The following SRP54 variants were observed in gnomAD, a reference collection of about 807,000 sequenced individuals.
SRP54 encodes signal recognition particle subunit SRP54.
SRP54 carries 10 observed loss-of-function variants against 64.8 expected under a neutral mutation model. That is an observed-to-expected ratio of 0.15 (90% confidence interval 0.10 to 0.26). SRP54 has a LOEUF of 0.26. Ranked by LOEUF, SRP54 falls within the 10% of genes least tolerant of loss-of-function variation. The pLI is 1.00. For synonymous variants in SRP54, 193 were observed against 185.6 expected (o/e 1.04, Z -0.32); for missense variants, 325 against 613.7 (o/e 0.53, Z 4.97).
chr14:35,008,049 A>T (rs1015748258), intron 5 of SRP54, among the ~76,000 whole-genome samples: 1 of 152,062 alleles, frequency 6.6e-6, no homozygotes, highest in Non-Finnish European at 1.5e-5. Flanking sequence ...TTTATCCTCT[A>T]TGGCTCAGGA....
intron 1 of SRP54, among the ~76,000 whole-genome samples, chr14:34,987,895 C>T (rs1475340579): frequency 6.6e-6 from 1 of 152,122 alleles, no homozygotes; most frequent in Non-Finnish European, 1.5e-5. Flanking sequence ...GCATTTAAGC[C>T]TGTTTTTAGC....
Position 35,013,442 on chromosome 14 carries a change from G to A in SRP54, c.733G>A (p.Val245Ile). 1 of 1,614,220 alleles carries A rather than the reference G, an allele frequency of 6.2e-7. No individual in the cohort carries two copies. The highest frequency in any genetic ancestry group is 8.5e-7 in the Non-Finnish European group (1 of 1,180,040). Residue 245 changes from valine (V) to isoleucine (I), a missense_variant, in exon 9 of 16, where the codon GTA becomes ATA. Physicochemically the swap from Val to Ile is conservative, Grantham distance 29. Coordinates refer to ENST00000216774, the MANE Select transcript of SRP54 (RefSeq NM_003136.4). Reference protein sequence around the residue: ...AFKDKVDVASVIVTKLDGHAK... With the variant: ...AFKDKVDVASIIVTKLDGHAK... ...TAAAGATAAAGTAGATGTAGCCTCA[G>A]TAATAGTGACAAAACTTGATGGCCA...
At chr14:34,997,625 C>T (rs1242386812) in intron 2 of SRP54, among the ~76,000 whole-genome samples, 3 of 152,146 alleles carry the variant, frequency 2.0e-5, no homozygotes, top group African/African-American at 4.8e-5. Flanking sequence ...AGAAAACTTA[C>T]GTAGAATTCT....
intron 10 of SRP54, 135 bp from the exon 11 acceptor site, chr14:35,014,609 T>A: frequency 1.5e-6 from 1 of 656,012 alleles, no homozygotes; most frequent in South Asian, 2.0e-5. Context: ...GCTTTGGTTT[T>A]CTCATTTGTG....
At chr14:34,994,882 C>A (rs990953949) in intron 1 of SRP54, among the ~76,000 whole-genome samples, 1 of 151,562 alleles carries the variant, frequency 6.6e-6, no homozygotes, top group Admixed American at 6.6e-5. Flanking sequence ...ATCCTCCCCT[C>A]ACCCTCCCGA....
At chr14:34,986,803 C>T (rs951549836) in intron 1 of SRP54, among the ~76,000 whole-genome samples, 1 of 150,990 alleles carries the variant, frequency 6.6e-6, no homozygotes, top group Non-Finnish European at 1.5e-5. Context: ...CGCTTGAACT[C>T]GGAGGGCAGA....
At chr14:34,991,932 TTTTTGTG>T (rs1016646993) in intron 1 of SRP54, among the ~76,000 whole-genome samples, 6 of 152,172 alleles carry the variant, frequency 3.9e-5, no homozygotes, top group Non-Finnish European at 8.8e-5. Flanking sequence ...TTTTATTTTG[TTTTTGTG>T]TTTTGTGTTT....
intron 14 of SRP54, among the ~76,000 whole-genome samples, chr14:35,024,447 C>T (rs562299419): frequency 6.6e-6 from 1 of 151,972 alleles, no homozygotes; most frequent in East Asian, 1.9e-4. Context: ...CTTCATGTTC[C>T]CTGTCCAGTT....
At chr14:35,010,559 G>GT (rs1245156281) in intron 7 of SRP54, among the ~76,000 whole-genome samples, 1 of 152,156 alleles carries the variant, frequency 6.6e-6, no homozygotes, top group Non-Finnish European at 1.5e-5. Context: ...GAGGTCAGAA[G>GT]TTTGAGACCA....
At chr14:35,007,153 A>C in intron 4 of SRP54, 130 bp from the exon 5 acceptor site, 1 of 451,942 alleles carries the variant, frequency 2.2e-6, no homozygotes, top group East Asian at 3.7e-5. Context: ...TGATTATGCC[A>C]CTGCACTCCA....
chr14:35,013,580 A>C, intron 9 of SRP54, 86 bp downstream of exon 9: 1 of 1,425,410 alleles, frequency 7.0e-7, no homozygotes, highest in Non-Finnish European at 9.6e-7. Flanking sequence ...GATCATTTAA[A>C]ATATGTTTCA....
Position 35,011,411 on chromosome 14 carries a change from T to C in SRP54, c.486-98T>C, listed in dbSNP as rs891449616. 2.7e-5 allele frequency: 25 copies of C among 917,992 alleles called. No individual in the cohort carries two copies. In the African/African-American group the frequency reaches 4.1e-4, roughly 15 times the overall value. The allele number at this position is 917,992 out of a possible 1,614,324, so 56.9% of individuals were successfully genotyped here. On this transcript the variant is annotated intron_variant, in intron 7 of 15. Coordinates refer to ENST00000216774, the MANE Select transcript of SRP54 (RefSeq NM_003136.4). Reference sequence around the variant, plus strand: ...TTCTAAATTGAAATTGGGGTCATTTTGGCTTTTTCAAAATAGATTATAGGT... The same window carrying C: ...TTCTAAATTGAAATTGGGGTCATTTCGGCTTTTTCAAAATAGATTATAGGT...
intron 4 of SRP54, 127 bp downstream of exon 4, chr14:35,001,147 G>T: frequency 2.9e-5 from 9 of 309,988 alleles, no homozygotes; most frequent in East Asian, 1.2e-4. Flanking sequence ...AAATATTAAT[G>T]AAAGGATTAT....
intron 1 of SRP54, among the ~76,000 whole-genome samples, chr14:34,984,378 T>C (rs577569977): frequency 5.2e-4 from 79 of 152,342 alleles, no homozygotes; most frequent in African/African-American, 1.8e-3. Flanking sequence ...GCCGTCCTTT[T>C]AGTTGGCCCT....
intron 4 of SRP54, among the ~76,000 whole-genome samples, chr14:35,005,564 A>G (rs1014453973): frequency 6.6e-6 from 1 of 151,804 alleles, no homozygotes; most frequent in East Asian, 1.9e-4. Context: ...CACCTGGCCA[A>G]TTCTTTAAAT....
At chr14:35,014,910 A>C (rs1254547239) in intron 11 of SRP54, 80 bp downstream of exon 11, 11 of 1,021,418 alleles carry the variant, frequency 1.1e-5, no homozygotes, top group Non-Finnish European at 1.6e-5. Context: ...AAGTTATTTG[A>C]AATGTAATAT....
intron 4 of SRP54, among the ~76,000 whole-genome samples, chr14:35,001,488 T>C (rs1052888345): frequency 6.6e-6 from 1 of 152,112 alleles, no homozygotes; most frequent in Non-Finnish European, 1.5e-5. Context: ...TGAATATACA[T>C]AATTCTGAGT....
chr14:35,006,839 A>G (rs576283003), intron 4 of SRP54, among the ~76,000 whole-genome samples: 1 of 152,298 alleles, frequency 6.6e-6, no homozygotes, highest in Admixed American at 6.5e-5. Context: ...TACAAAGGGG[A>G]ATAATTGTAT....
chr14:34,987,363 C>T (rs368300357), intron 1 of SRP54, among the ~76,000 whole-genome samples: 5 of 150,076 alleles, frequency 3.3e-5, no homozygotes, highest in African/African-American at 7.3e-5. Context: ...TACAAAGTTA[C>T]GCAACTATCA....
Sources: allele counts gnomAD v4.1 joint callset (sites outside exome capture counted in the v4.1 genomes callset), GRCh38; gene constraint gnomAD v4.1.1; transcripts MANE v1.5; gene names NCBI Gene and HGNC (gene_info 2026-07-23, HGNC 2026-07-21).